Variants in CSRNP3 observed in about 807,000 individuals in gnomAD.
CSRNP3 encodes the protein cysteine/serine-rich nuclear protein 3.
CSRNP3 carries 12 observed loss-of-function variants against 48.0 expected under a neutral mutation model. That is an observed-to-expected ratio of 0.25 (90% CI 0.16 to 0.41). The LOEUF (loss-of-function observed/expected upper bound fraction) is 0.41. Among genes scored for constraint, CSRNP3 ranks in the 10% least tolerant of loss-of-function variants. The probability of loss-of-function intolerance (pLI) is 1.00; values close to 1 mark genes in which losing one functional copy is unlikely to be tolerated. For missense variants in CSRNP3, 580 were observed against 724.4 expected, an observed-to-expected ratio of 0.80 and a Z score of 2.29; for synonymous variants, 263 against 269.7, an observed-to-expected ratio of 0.98 and a Z score of 0.24.
At chr2:165,585,008 C>T (rs1448304236) in intron 3 of CSRNP3, among the ~76,000 whole-genome samples, 1 of 152,142 alleles carries the variant, frequency 6.6e-6, no homozygotes. Context: ...GTTGGACAAG[C>T]TTGGTTTAGA....
At chr2:165,623,416 C>T (rs760774052) in intron 4 of CSRNP3, among the ~76,000 whole-genome samples, 3 of 152,128 alleles carry the variant, frequency 2.0e-5, no homozygotes, top group Admixed American at 6.5e-5. Flanking sequence ...TAATGATAAA[C>T]GTAATGCACT....
At chr2:165,616,736 CTT>C (rs1686251160) in intron 4 of CSRNP3, among the ~76,000 whole-genome samples, 1 of 152,122 alleles carries the variant, frequency 6.6e-6, no homozygotes, top group Non-Finnish European at 1.5e-5. Flanking sequence ...TGGAGAGAAT[CTT>C]TTTGAATTAA....
chr2:165,476,976 G>T (rs1389409532), intron 1 of CSRNP3, among the ~76,000 whole-genome samples: 1 of 152,086 alleles, frequency 6.6e-6, no homozygotes, highest in Non-Finnish European at 1.5e-5. Context: ...ATTATTGCTT[G>T]CTAGTGGGTG....
intron 3 of CSRNP3, among the ~76,000 whole-genome samples, chr2:165,545,705 T>C (rs1685016214): frequency 6.6e-6 from 1 of 152,200 alleles, no homozygotes; most frequent in Admixed American, 6.5e-5. Flanking sequence ...TAAATAGATA[T>C]TTAATAAATA....
At chr2:165,532,687 A>C (rs1343368018) in intron 3 of CSRNP3, among the ~76,000 whole-genome samples, 1 of 152,088 alleles carries the variant, frequency 6.6e-6, no homozygotes, top group Non-Finnish European at 1.5e-5. Flanking sequence ...CCTATTCAAC[A>C]TAGTGTTGGA....
chr2:165,646,542 T>C (rs1278352175), intron 4 of CSRNP3, among the ~76,000 whole-genome samples: 1 of 152,194 alleles, frequency 6.6e-6, no homozygotes. Context: ...AACAGGTTAG[T>C]AGAGCTGAAG....
chr2:165,634,120 C>T (rs943201528), intron 4 of CSRNP3, among the ~76,000 whole-genome samples: 3 of 152,170 alleles, frequency 2.0e-5, no homozygotes, highest in Non-Finnish European at 4.4e-5. Flanking sequence ...AGGCGGATCT[C>T]TTGAGCCCAG....
At chr2:165,635,351 A>T (rs575776159) in intron 4 of CSRNP3, among the ~76,000 whole-genome samples, 1 of 152,228 alleles carries the variant, frequency 6.6e-6, no homozygotes, top group Admixed American at 6.5e-5. Context: ...CCTTTTGATG[A>T]CAAGAGCCTG....
intron 4 of CSRNP3, among the ~76,000 whole-genome samples, chr2:165,602,662 T>C (rs1685934515): frequency 6.6e-6 from 1 of 152,192 alleles, no homozygotes; most frequent in African/African-American, 2.4e-5. Flanking sequence ...GATTGTGGAC[T>C]CCAGTAATTA....
At chr2:165,591,920 G>A (rs1284323855) in intron 3 of CSRNP3, among the ~76,000 whole-genome samples, 1 of 152,092 alleles carries the variant, frequency 6.6e-6, no homozygotes, top group East Asian at 1.9e-4. Context: ...CTGGGGCACT[G>A]CCTAGTGGAA....
At position 165,476,459 on chromosome 2, in the gene CSRNP3, G is replaced by A. The variant is rs541366629; in HGVS notation, c.-283+6719G>A. 2.0e-5 allele frequency among the ~76,000 whole-genome samples: 3 copies of A among 152,334 alleles called. No individual in the cohort carries two copies. The East Asian group carries it at 5.8e-4, about 29-fold the overall frequency. On this transcript the variant is annotated intron_variant, in intron 1 of 6. Coordinates refer to ENST00000651982, the MANE Select transcript of CSRNP3 (RefSeq NM_001172173.2). ...TGAAATATCCTGATGAATTTAAACT[G>A]AAGGAAAAGGAGTGCTTACCAATGT... is the stretch of plus-strand genomic sequence containing the variant.
At chr2:165,589,231 C>A (rs1489876318) in intron 3 of CSRNP3, among the ~76,000 whole-genome samples, 1 of 152,068 alleles carries the variant, frequency 6.6e-6, no homozygotes, top group African/African-American at 2.4e-5. Context: ...TCACTAAATC[C>A]TTATATTCTT....
chr2:165,643,483 T>C (rs963502268), intron 4 of CSRNP3, among the ~76,000 whole-genome samples: 3 of 152,166 alleles, frequency 2.0e-5, no homozygotes, highest in African/African-American at 4.8e-5. Context: ...CCTGTAGAAT[T>C]TGGGGATCAA....
intron 3 of CSRNP3, among the ~76,000 whole-genome samples, chr2:165,578,527 C>T (rs1685489603): frequency 6.6e-6 from 1 of 151,912 alleles, no homozygotes; most frequent in Admixed American, 6.6e-5. Flanking sequence ...TTCCATGAAC[C>T]TAGTATCAAA....
chr2:165,545,618 C>T (rs1685014230), intron 3 of CSRNP3, among the ~76,000 whole-genome samples: 2 of 152,042 alleles, frequency 1.3e-5, no homozygotes, highest in South Asian at 4.1e-4. Flanking sequence ...GAATTCTTAA[C>T]AGGGGCCATG....
intron 3 of CSRNP3, among the ~76,000 whole-genome samples, chr2:165,560,217 T>C (rs889394250): frequency 2.0e-5 from 3 of 152,194 alleles, no homozygotes; most frequent in Non-Finnish European, 4.4e-5. Flanking sequence ...CCCCTTGTTA[T>C]ATGGTGGAAT....
At chr2:165,574,078 G>A in intron 3 of CSRNP3, 1 of 401,942 alleles carries the variant, frequency 2.5e-6, no homozygotes, top group South Asian at 5.4e-5. Context: ...TGACAGCCCA[G>A]TAAAACCCGT....
Position 165,671,448 on chromosome 2 carries a change from T to G in CSRNP3, c.409-4864T>G, listed in dbSNP as rs143105906. ...ATATCTTACAAAGGCACATGGAAGC[T>G]GTCAAGGCTTGGGGCTTGCACCCTC... On this transcript the variant is annotated intron_variant, in intron 5 of 6. Transcript: ENST00000651982. Among the ~76,000 whole-genome samples the G allele has an allele frequency of 2.6e-3, 402 of 152,354 alleles. 5 individuals carry two copies. The highest frequency in any genetic ancestry group is 0.02 in the Middle Eastern group (6 of 294).
chr2:165,500,359 A>ATATG (rs1304712559), intron 2 of CSRNP3, among the ~76,000 whole-genome samples: 11 of 150,288 alleles, frequency 7.3e-5, no homozygotes, highest in Non-Finnish European at 1.5e-4. Flanking sequence ...GTATATGTAT[A>ATATG]CATACATATA....
Sources: allele counts gnomAD v4.1 joint callset (sites outside exome capture counted in the v4.1 genomes callset), GRCh38; gene constraint gnomAD v4.1.1; transcripts MANE v1.5; gene names NCBI Gene and HGNC (gene_info 2026-07-23, HGNC 2026-07-21).